RICTOR: variants seen among roughly 807,000 people sequenced by gnomAD.
RICTOR encodes the protein rapamycin-insensitive companion of mTOR.
RICTOR carries 49 observed loss-of-function variants against 214.9 expected under a neutral mutation model. The observed-to-expected ratio is 0.23, with a 90% CI of 0.18 to 0.29. The LOEUF (loss-of-function observed/expected upper bound fraction) is 0.29. Among genes scored for constraint, RICTOR ranks in the 10% least tolerant of loss-of-function variants. RICTOR has a pLI of 1.00. For synonymous variants in RICTOR, 717 were observed against 711.3 expected, an observed-to-expected ratio of 1.01 and a Z score of -0.13; for missense variants, 1,625 against 2,047.0, an observed-to-expected ratio of 0.79 and a Z score of 3.98.
chr5:38,941,722 G>C lies in RICTOR; in HGVS notation c.*582C>G, dbSNP rs758497663. ...AACTTATAAGTCCCGGGTTGTTGAG[G>C]CTCTTCTTCTGCTTTGAGGTTATAA... On this transcript the variant is annotated 3_prime_UTR_variant, in exon 38 of 38. Coordinates refer to ENST00000357387, the MANE Select transcript of RICTOR (RefSeq NM_152756.5). 1.3e-5 allele frequency: 3 copies of C among 231,874 alleles called. No individual in the cohort carries two copies. Among genetic ancestry groups the C allele is most frequent in the Non-Finnish European group, 2.6e-5 (3 of 117,168 alleles). 14.4% of individuals were successfully genotyped at this position (231,874 alleles called of 1,614,324 possible). A position where few individuals can be genotyped will look rare whatever the true frequency, so the allele number is the denominator to read the frequency against.
chr5:38,988,688 TG>T (rs1489908076), intron 7 of RICTOR, among the ~76,000 whole-genome samples: 5 of 152,174 alleles, frequency 3.3e-5, no homozygotes, highest in Admixed American at 2.6e-4. Flanking sequence ...ACAAAATCAA[TG>T]TGCAAAAATC....
chr5:38,972,409 T>C (rs931132080), intron 10 of RICTOR, among the ~76,000 whole-genome samples: 1 of 152,208 alleles, frequency 6.6e-6, no homozygotes, highest in Non-Finnish European at 1.5e-5. Flanking sequence ...AATTATATGA[T>C]TCAAAATTTT....
chr5:38,965,420 A>C (rs755867035), intron 15 of RICTOR, among the ~76,000 whole-genome samples: 85 of 152,094 alleles, frequency 5.6e-4, no homozygotes, highest in Non-Finnish European at 1.0e-3. Flanking sequence ...AATGAAGACA[A>C]GTACATCGAT....
rs1561501109 is a variant in RICTOR, at chr5:38,990,574, T to TG, written c.583+374_583+375insC. Among the ~76,000 whole-genome samples, 17 of 79,556 alleles carry TG rather than the reference T, an allele frequency of 2.1e-4. 2 individuals are homozygous for TG. Among genetic ancestry groups the TG allele is most frequent in the African/African-American group, 7.2e-4 (16 of 22,200 alleles). 52.2% of individuals were successfully genotyped at this position (79,556 alleles called of 152,430 possible). A position where few individuals can be genotyped will look rare whatever the true frequency, so the allele number is the denominator to read the frequency against. Reference sequence around the variant, plus strand: ...ATATACACGATATATACACGATATATATGATATATACATGATATATACGAT... The same window carrying TG: ...ATATACACGATATATACACGATATATGATGATATATACATGATATATACGAT... On this transcript the variant is annotated intron_variant, in intron 7 of 37. Transcript: ENST00000357387.
At chr5:39,008,340 G>A (rs891719850) in intron 3 of RICTOR, among the ~76,000 whole-genome samples, 1 of 152,016 alleles carries the variant, frequency 6.6e-6, no homozygotes, top group African/African-American at 2.4e-5. Context: ...ACACACAGAA[G>A]TAACAATTAT....
At chr5:38,961,469 T>A (rs1749791010) in intron 19 of RICTOR, among the ~76,000 whole-genome samples, 1 of 152,146 alleles carries the variant, frequency 6.6e-6, no homozygotes, top group Non-Finnish European at 1.5e-5. Context: ...TAATTTATGA[T>A]CTTTCAACAT....
rs1301101401 is a variant in RICTOR, at chr5:39,046,062, A to AATAAATAAATAAATGC, written c.98-24927_98-24926insGCATTTATTTATTTAT. Among the ~76,000 whole-genome samples the AATAAATAAATAAATGC allele has an allele frequency of 8.6e-5, 13 of 150,994 alleles. No individual in the cohort carries two copies. The South Asian group carries it at 1.3e-3, about 15-fold the overall frequency. On this transcript the variant is annotated intron_variant, in intron 2 of 37. Coordinates refer to ENST00000357387, the MANE Select transcript of RICTOR (RefSeq NM_152756.5). ...AAATAAATAAATAAATAAATAAATA[A>AATAAATAAATAAATGC]ATGCTGGCCAGGTGCAGAGGCTCAT...
intron 3 of RICTOR, among the ~76,000 whole-genome samples, chr5:39,019,101 G>A (rs949234261): frequency 7.2e-5 from 11 of 152,112 alleles, no homozygotes; most frequent in African/African-American, 2.7e-4. Context: ...ATGTTATGAA[G>A]GCTGAGAGGT....
intron 3 of RICTOR, 89 bp from the exon 4 acceptor site, chr5:39,003,711 T>TA: frequency 1.4e-6 from 1 of 708,062 alleles, no homozygotes; most frequent in Non-Finnish European, 2.3e-6. Flanking sequence ...GAAAATAAGG[T>TA]ATTTTTATGG....
chr5:39,011,369 C>T (rs1420537429), intron 3 of RICTOR, among the ~76,000 whole-genome samples: 6 of 152,210 alleles, frequency 3.9e-5, no homozygotes, highest in Non-Finnish European at 8.8e-5. Flanking sequence ...AGGGGTGTAG[C>T]TCTCATGGAG....
At chr5:38,961,575 G>A (rs749501176) in intron 19 of RICTOR, among the ~76,000 whole-genome samples, 18 of 152,032 alleles carry the variant, frequency 1.2e-4, no homozygotes, top group Non-Finnish European at 2.6e-4. Context: ...TCCAATCCAG[G>A]AGCTGGGAAA....
rs148112680 is a variant in RICTOR, at chr5:38,955,576, C to G, written c.2609+19G>C. The G allele has an allele frequency of 8.4e-4, 1,093 of 1,297,304 alleles. 1 individual carries two copies. The highest frequency in any genetic ancestry group is 2.9e-3 in the Middle Eastern group (16 of 5,442). 80.4% of individuals were successfully genotyped at this position (1,297,304 alleles called of 1,614,324 possible). On this transcript the variant is annotated intron_variant, in intron 26 of 37. Coordinates refer to ENST00000357387, the MANE Select transcript of RICTOR (RefSeq NM_152756.5). Reference sequence around the variant, plus strand: ...AATTTATGATGAACTAGTTTTAAATCTGATAACTGGGTACGCACCTTTGGT... The same window carrying G: ...AATTTATGATGAACTAGTTTTAAATGTGATAACTGGGTACGCACCTTTGGT...
intron 2 of RICTOR, among the ~76,000 whole-genome samples, chr5:39,026,348 A>AAAAACAAAAC (rs148758528): frequency 1.3e-5 from 2 of 151,888 alleles, no homozygotes; most frequent in South Asian, 2.1e-4. Flanking sequence ...ACCCTGTCTC[A>AAAAACAAAAC]AAAACAAAAC....
At chr5:39,048,523 T>A (rs369958918) in intron 2 of RICTOR, among the ~76,000 whole-genome samples, 19 of 152,276 alleles carry the variant, frequency 1.2e-4, no homozygotes, top group African/African-American at 4.6e-4. Context: ...GAGTCTCTAA[T>A]GAGATTCCCT....
At chr5:38,956,069 C>A (rs768567860) in intron 25 of RICTOR, among the ~76,000 whole-genome samples, 1 of 151,976 alleles carries the variant, frequency 6.6e-6, no homozygotes, top group Non-Finnish European at 1.5e-5. Context: ...ACCTTATGAG[C>A]CAAGTTGGAC....
At chr5:38,995,330 G>A (rs1178969339) in intron 6 of RICTOR, among the ~76,000 whole-genome samples, 1 of 152,052 alleles carries the variant, frequency 6.6e-6, no homozygotes, top group East Asian at 1.9e-4. Flanking sequence ...ACCAAATATT[G>A]TATGTTCCCT....
intron 15 of RICTOR, among the ~76,000 whole-genome samples, chr5:38,965,195 A>G (rs1426297420): frequency 1.3e-5 from 2 of 151,970 alleles, no homozygotes; most frequent in African/African-American, 4.8e-5. Flanking sequence ...AAATGCCAGA[A>G]GGGATTATAT....
chr5:39,073,896 G>T (rs188133190), intron 2 of RICTOR, among the ~76,000 whole-genome samples: 2,840 of 152,136 alleles, frequency 0.019, 101 homozygotes, highest in African/African-American at 0.065. Context: ...GCCCGGAGAA[G>T]GGCTCGGGCG....
At position 38,990,957 on chromosome 5, in the gene RICTOR, C is replaced by T. The variant is rs2150082128; in HGVS notation, c.575G>A (p.Cys192Tyr). Residue 192 changes from cysteine to tyrosine, a missense_variant, in exon 7 of 38, where the codon TGT (cysteine) becomes TAT (tyrosine). Cys to Tyr is a radical substitution (Grantham distance 194). This residue lies in a region of RICTOR where 258 missense variants were observed against 393.7 expected (regional missense o/e 0.66). Coordinates refer to ENST00000357387, the MANE Select transcript of RICTOR (RefSeq NM_152756.5). ...RMVRACIAIICELALQNPEVV... is the reference protein window; with the variant it reads ...RMVRACIAIIYELALQNPEVV... ...TTGAAGAAAATTCTGACCTAGTTCACAGATAATGGCAATGCATGCTCGGAC... is the reference window on the plus strand; with the variant it reads ...TTGAAGAAAATTCTGACCTAGTTCATAGATAATGGCAATGCATGCTCGGAC... 6.3e-7 allele frequency: 1 copy of T among 1,592,804 alleles called. No individual in the cohort carries two copies. Among genetic ancestry groups the T allele is most frequent in the South Asian group, 1.1e-5 (1 of 87,368 alleles).
Sources: gnomAD v4.1 joint callset for allele counts (sites outside exome capture counted in the v4.1 genomes callset) on GRCh38, gnomAD v4.1.1 for gene constraint, gnomAD v4.1.1 regional missense constraint, MANE v1.5 for transcripts, NCBI Gene and HGNC (gene_info 2026-07-23, HGNC 2026-07-21) for gene names.